Variants in CADM2 observed in about 807,000 individuals in gnomAD.
The protein encoded by CADM2 is immunoglobulin superfamily member 4D.
Under a neutral mutation model 49.8 loss-of-function variants are expected in CADM2, and 12 were observed. The observed-to-expected ratio is 0.24, with a 90% confidence interval of 0.15 to 0.39. The LOEUF (loss-of-function observed/expected upper bound fraction) is 0.39, where lower values mean the gene tolerates loss of function less well. CADM2 is among the 10% of genes least tolerant of loss of function. CADM2 has a pLI of 1.00. For synonymous variants in CADM2, 214 were observed against 175.4 expected (o/e 1.22, Z -1.74); for missense variants, 378 against 492.3 (o/e 0.77, Z 2.20).
intron 1 of CADM2, among the ~76,000 whole-genome samples, chr3:85,131,316 CAGAT>C (rs1167813523): frequency 5.3e-5 from 8 of 152,174 alleles, no homozygotes; most frequent in East Asian, 1.9e-4. Flanking sequence ...AAGTGATTGA[CAGAT>C]AGATAGGACA....
At chr3:85,413,138 C>CAAAAAAAAAAAAAAAA (rs397973777) in intron 1 of CADM2, among the ~76,000 whole-genome samples, 10 of 17,110 alleles carry the variant, frequency 5.8e-4, no homozygotes, top group African/African-American at 1.2e-3. Flanking sequence ...GACTCCGTCT[C>CAAAAAAAAAAAAAAAA]AAAAAAAAAA....
intron 1 of CADM2, among the ~76,000 whole-genome samples, chr3:85,429,844 T>A (rs988558203): frequency 6.6e-6 from 1 of 152,188 alleles, no homozygotes; most frequent in Non-Finnish European, 1.5e-5. Context: ...CATTTTAATA[T>A]GTAAAATGTT....
intron 1 of CADM2, among the ~76,000 whole-genome samples, chr3:85,437,528 C>T (rs1427944672): frequency 1.3e-5 from 2 of 152,062 alleles, no homozygotes; most frequent in Non-Finnish European, 2.9e-5. Flanking sequence ...TTTCAGTGGT[C>T]TGGATTTTGA....
chr3:85,451,831 G>T (rs2037760418), intron 1 of CADM2, among the ~76,000 whole-genome samples: 1 of 152,054 alleles, frequency 6.6e-6, no homozygotes, highest in Admixed American at 6.5e-5. Context: ...AGCAATTTTA[G>T]CTATTATCGT....
At chr3:85,409,771 A>G (rs1053739833) in intron 1 of CADM2, among the ~76,000 whole-genome samples, 3 of 152,126 alleles carry the variant, frequency 2.0e-5, no homozygotes, top group African/African-American at 7.2e-5. Context: ...ATAACATTGA[A>G]TTGATTGAAC....
intron 2 of CADM2, among the ~76,000 whole-genome samples, chr3:85,754,361 C>G (rs1366173357): frequency 6.6e-6 from 1 of 152,126 alleles, no homozygotes; most frequent in Admixed American, 6.5e-5. Flanking sequence ...GCCTGACAGT[C>G]CTGGTGGGGG....
At chr3:85,443,086 T>G (rs191667320) in intron 1 of CADM2, among the ~76,000 whole-genome samples, 14 of 152,242 alleles carry the variant, frequency 9.2e-5, no homozygotes, top group Admixed American at 7.9e-4. Flanking sequence ...TACACTTAAT[T>G]GTTTCACAAG....
chr3:85,598,721 A>G (rs2063313634), intron 1 of CADM2, among the ~76,000 whole-genome samples: 2 of 151,942 alleles, frequency 1.3e-5, no homozygotes, highest in South Asian at 2.1e-4. Context: ...AGCAGAAAAA[A>G]AATTTTAAAT....
chr3:85,786,702 T>A (rs1360593108), intron 2 of CADM2, among the ~76,000 whole-genome samples: 1 of 152,072 alleles, frequency 6.6e-6, no homozygotes, highest in Non-Finnish European at 1.5e-5. Context: ...CAAAAATATG[T>A]GCCCACCATG....
chr3:85,627,653 C>T (rs904885550), intron 1 of CADM2, among the ~76,000 whole-genome samples: 8 of 151,822 alleles, frequency 5.3e-5, no homozygotes, highest in African/African-American at 1.9e-4. Flanking sequence ...CACTCAAAGT[C>T]TAACATTCTA....
intron 1 of CADM2, among the ~76,000 whole-genome samples, chr3:85,279,853 A>G (rs1195145510): frequency 6.6e-6 from 1 of 151,658 alleles, no homozygotes; most frequent in Non-Finnish European, 1.5e-5. Flanking sequence ...TATTTGTTCA[A>G]GTAGTTTGCC....
intron 8 of CADM2, among the ~76,000 whole-genome samples, chr3:85,980,971 T>A (rs772873642): frequency 2.0e-5 from 3 of 151,526 alleles, no homozygotes; most frequent in Non-Finnish European, 4.4e-5. Context: ...CCTAAAATTA[T>A]GACAACTACT....
At chr3:85,933,286 T>G (rs1720817445) in intron 6 of CADM2, among the ~76,000 whole-genome samples, 1 of 151,796 alleles carries the variant, frequency 6.6e-6, no homozygotes, top group Non-Finnish European at 1.5e-5. Flanking sequence ...CCATCAATAG[T>G]CCTGTGTCTT....
At chr3:85,689,308 A>C (rs1182250233) in intron 1 of CADM2, among the ~76,000 whole-genome samples, 2 of 152,216 alleles carry the variant, frequency 1.3e-5, no homozygotes, top group African/African-American at 4.8e-5. Flanking sequence ...TGTGCAGTTC[A>C]TTGTATATAA....
chr3:85,110,584 G>A (rs917924497), intron 1 of CADM2, among the ~76,000 whole-genome samples: 1 of 151,896 alleles, frequency 6.6e-6, no homozygotes, highest in Admixed American at 6.6e-5. Context: ...AGATCAATGA[G>A]TCATGCTTTA....
chr3:85,949,896 G>A (rs889424870), intron 7 of CADM2, among the ~76,000 whole-genome samples: 5 of 151,062 alleles, frequency 3.3e-5, no homozygotes, highest in African/African-American at 1.2e-4. Flanking sequence ...TCATTCCAAA[G>A]TGTCCTTGAA....
chr3:85,204,233 T>G (rs2041577290), intron 1 of CADM2, among the ~76,000 whole-genome samples: 1 of 152,208 alleles, frequency 6.6e-6, no homozygotes, highest in Non-Finnish European at 1.5e-5. Flanking sequence ...GATATTTTAA[T>G]CAGTTTAAAT....
chr3:85,128,717 T>C (rs2039119081), intron 1 of CADM2, among the ~76,000 whole-genome samples: 1 of 152,214 alleles, frequency 6.6e-6, no homozygotes, highest in Non-Finnish European at 1.5e-5. Flanking sequence ...AAGGTTTTAC[T>C]ACCTATGGGA....
intron 1 of CADM2, among the ~76,000 whole-genome samples, chr3:85,127,930 A>C (rs561780444): frequency 2.9e-4 from 44 of 152,284 alleles, no homozygotes; most frequent in Middle Eastern, 3.4e-3. Flanking sequence ...GCTGCTTGTG[A>C]CTATTTAAAT....
Sources: allele counts gnomAD v4.1 joint callset (sites outside exome capture counted in the v4.1 genomes callset), GRCh38; gene constraint gnomAD v4.1.1; transcripts MANE v1.5; gene names NCBI Gene and HGNC (gene_info 2026-07-23, HGNC 2026-07-21).